Variants in DNAI4 observed in about 807,000 individuals in gnomAD.
DNAI4 encodes the protein dynein axonemal intermediate chain 4, also known as WD repeat domain 78.
Under a neutral mutation model 105.8 loss-of-function variants are expected in DNAI4, and 85 were observed. The observed-to-expected ratio is 0.80, with a 90% CI of 0.67 to 0.96. The LOEUF is 0.96. DNAI4 is among the 40% of genes least tolerant of loss of function. The probability of loss-of-function intolerance (pLI) is 0.00; values close to 1 mark genes in which losing one functional copy is unlikely to be tolerated. For synonymous variants in DNAI4, 352 were observed against 331.5 expected, an observed-to-expected ratio of 1.06 and a Z score of -0.67; for missense variants, 1,014 against 1,005.6, an observed-to-expected ratio of 1.01 and a Z score of -0.11.
Position 66,893,078 on chromosome 1 carries a change from A to AAAGAAAGG in DNAI4, c.530+150_530+151insCCTTTCTT, listed in dbSNP as rs1647942786. The stretch of plus-strand genomic sequence containing the variant: ...AAGAGAGAGAGAGAAAGAAAGAAAG[A>AAAGAAAGG]AAGAAAGAAAGAAAGAAAGAAAGAA... On this transcript the variant is annotated intron_variant, in intron 3 of 16. Transcript: ENST00000371026. 4 of 378,230 alleles carry AAAGAAAGG rather than the reference A, an allele frequency of 1.1e-5. No individual in the cohort carries two copies. The South Asian group carries it at 4.0e-4, about 38-fold the overall frequency. 23.4% of individuals were successfully genotyped at this position (378,230 alleles called of 1,614,324 possible).
chr1:66,869,866 C>T (rs1025281709), intron 6 of DNAI4, among the ~76,000 whole-genome samples: 3 of 152,090 alleles, frequency 2.0e-5, no homozygotes, highest in East Asian at 1.9e-4. Flanking sequence ...GGGGAATAAC[C>T]GTACATCCCC....
intron 1 of DNAI4, among the ~76,000 whole-genome samples, chr1:66,911,957 T>G (rs1316057280): frequency 6.6e-6 from 1 of 152,208 alleles, no homozygotes; most frequent in Non-Finnish European, 1.5e-5. Context: ...TTCTCCTGCC[T>G]CAGTCTCCCA....
chr1:66,814,169 C>T lies in DNAI4; in HGVS notation c.2508G>A (p.Met836Ile). Residue 836 changes from methionine (M) to isoleucine (I), a missense_variant, in exon 17 of 17, where the codon ATG becomes ATA. Coordinates refer to ENST00000371026, the MANE Select transcript of DNAI4 (RefSeq NM_024763.5). ...TVLETGRGDIMDTLLGSKSNQ... is the reference protein window; with the variant it reads ...TVLETGRGDIIDTLLGSKSNQ... ...TTGACTTGGATCCAAGCAAAGTATC[C>T]ATTATATCTCCCTGAAAAAAAAAAG... 6.3e-7 allele frequency: 1 copy of T among 1,587,214 alleles called. No homozygotes were observed.
intron 11 of DNAI4, 76 bp from the exon 12 acceptor site, chr1:66,834,224 G>T: frequency 8.5e-7 from 1 of 1,180,516 alleles, no homozygotes; most frequent in Non-Finnish European, 1.2e-6. Flanking sequence ...TAAGTGATAA[G>T]GTCAGCTTTC....
chr1:66,844,864 T>C (rs1385455710), intron 8 of DNAI4, among the ~76,000 whole-genome samples: 1 of 152,166 alleles, frequency 6.6e-6, no homozygotes, highest in African/African-American at 2.4e-5. Flanking sequence ...GTATCCAGAA[T>C]ATATAAAAAT....
intron 7 of DNAI4, among the ~76,000 whole-genome samples, chr1:66,861,424 A>C (rs1228779909): frequency 6.6e-6 from 1 of 152,218 alleles, no homozygotes; most frequent in Non-Finnish European, 1.5e-5. Flanking sequence ...GATAACCATA[A>C]ACTATTCAGA....
intron 11 of DNAI4, 28 bp from the exon 12 acceptor site, chr1:66,834,176 T>C: frequency 6.6e-7 from 1 of 1,519,608 alleles, no homozygotes; most frequent in Non-Finnish European, 8.8e-7. Context: ...ATACTAAACA[T>C]ATAATCATTA....
At chr1:66,877,052 A>G (rs1045802687) in intron 4 of DNAI4, among the ~76,000 whole-genome samples, 5 of 152,178 alleles carry the variant, frequency 3.3e-5, no homozygotes, top group Non-Finnish European at 7.4e-5. Flanking sequence ...TACCCTTATC[A>G]TATTTTTCAA....
At chr1:66,911,198 G>A (rs1396642925) in intron 1 of DNAI4, among the ~76,000 whole-genome samples, 1 of 152,152 alleles carries the variant, frequency 6.6e-6, no homozygotes, top group East Asian at 1.9e-4. Flanking sequence ...ACAGAACTCA[G>A]AGAAACACTT....
chr1:66,833,777 T>C (rs1645920521), intron 12 of DNAI4, 71 bp from the exon 13 acceptor site: 2 of 1,542,156 alleles, frequency 1.3e-6, no homozygotes, highest in Non-Finnish European at 8.8e-7. Flanking sequence ...ATCATGTGTG[T>C]TTCTCCTGCA....
intron 8 of DNAI4, among the ~76,000 whole-genome samples, chr1:66,841,026 G>T (rs2100481665): frequency 6.6e-6 from 1 of 152,318 alleles, no homozygotes; most frequent in Admixed American, 6.5e-5. Flanking sequence ...CACCTTAGAA[G>T]ATACAGCTCA....
At chr1:66,907,145 A>G (rs1649317048) in intron 1 of DNAI4, 1 of 152,152 alleles carries the variant, frequency 6.6e-6, no homozygotes, top group Non-Finnish European at 1.5e-5. Flanking sequence ...AGTCAGTAAT[A>G]CTGCCTACTA....
In DNAI4 at chr1:66,922,410, G is replaced by A. The variant is rs1441053245; in HGVS notation, c.170+2252C>T. 2.0e-5 allele frequency among the ~76,000 whole-genome samples: 3 copies of A among 152,290 alleles called. No homozygotes were observed. In the East Asian group the frequency reaches 5.8e-4, roughly 29 times the overall value. Reference sequence around the variant, plus strand: ...ACTGCATATGCACAGGCTCCAAAGGGGGAATATAGTGTGTCTGATGTGTTG... The same window carrying A: ...ACTGCATATGCACAGGCTCCAAAGGAGGAATATAGTGTGTCTGATGTGTTG... On this transcript the variant is annotated intron_variant, in intron 1 of 16. Transcript: ENST00000371026.
intron 16 of DNAI4, among the ~76,000 whole-genome samples, chr1:66,815,227 C>T (rs1019659031): frequency 6.6e-6 from 1 of 152,164 alleles, no homozygotes; most frequent in South Asian, 2.1e-4. Flanking sequence ...CAGTTTCTCA[C>T]TTGGGCAAAT....
In DNAI4 at chr1:66,893,460, C is replaced by T. The variant is rs1296421206; in HGVS notation, c.346-47G>A. 3 of 1,308,732 alleles carry T rather than the reference C, an allele frequency of 2.3e-6. No individual in the cohort carries two copies. The African/African-American group carries it at 4.5e-5, about 20-fold the overall frequency. The allele number at this position is 1,308,732 out of a possible 1,614,324, so 81.1% of individuals were successfully genotyped here. ...AATGAAATAACTAAAAAAGACAGGG[C>T]TTCTAAATAACAGCTGCTAGAAAAT... is the stretch of plus-strand genomic sequence containing the variant. On this transcript the variant is annotated intron_variant, in intron 2 of 16. Coordinates refer to ENST00000371026, the MANE Select transcript of DNAI4 (RefSeq NM_024763.5).
chr1:66,893,071 A>AAGAAAGAAAGAAAGAAAGAAAAAG (rs1647933956), intron 3 of DNAI4, among the ~76,000 whole-genome samples, 158 bp downstream of exon 3: 1 of 122,378 alleles, frequency 8.2e-6, no homozygotes, highest in Non-Finnish European at 1.8e-5. Flanking sequence ...GAGAGAAAGA[A>AAGAAAGAAAGAAAGAAAGAAAAAG]AGAAAGAAAG....
At chr1:66,859,843 T>C (rs945004982) in intron 7 of DNAI4, among the ~76,000 whole-genome samples, 5 of 152,202 alleles carry the variant, frequency 3.3e-5, no homozygotes, top group Admixed American at 1.3e-4. Flanking sequence ...ACAGGGGATA[T>C]TTAGGACAGT....
chr1:66,887,163 A>T (rs1053964850), intron 4 of DNAI4, among the ~76,000 whole-genome samples: 2 of 152,052 alleles, frequency 1.3e-5, no homozygotes, highest in Non-Finnish European at 2.9e-5. Context: ...TCCCCCATGA[A>T]TTTTTTACTC....
intron 13 of DNAI4, among the ~76,000 whole-genome samples, chr1:66,831,545 G>T (rs1046941876): frequency 2.0e-5 from 3 of 152,030 alleles, no homozygotes; most frequent in Admixed American, 1.3e-4. Context: ...TTATACATAC[G>T]GAAAAGTGTT....
Sources: allele counts gnomAD v4.1 joint callset (sites outside exome capture counted in the v4.1 genomes callset), GRCh38; gene constraint gnomAD v4.1.1; transcripts MANE v1.5; gene names NCBI Gene and HGNC (gene_info 2026-07-23, HGNC 2026-07-21).